Variants in KIF26B observed in about 807,000 individuals in gnomAD.
The protein encoded by KIF26B is kinesin-like protein KIF26B.
Under a neutral mutation model 151.2 loss-of-function variants are expected in KIF26B, and 63 were observed. That is an observed-to-expected ratio of 0.42 (90% CI 0.34 to 0.51). The LOEUF is 0.51. Ranked by LOEUF, KIF26B falls within the 20% of genes least tolerant of loss-of-function variation. The probability of loss-of-function intolerance (pLI) is 0.07; values close to 1 mark genes in which losing one functional copy is unlikely to be tolerated. For missense variants in KIF26B, 2,813 were observed against 2,913.6 expected, an observed-to-expected ratio of 0.97 and a Z score of 0.79; for synonymous variants, 1,357 against 1,262.1, an observed-to-expected ratio of 1.08 and a Z score of -1.59.
intron 2 of KIF26B, among the ~76,000 whole-genome samples, chr1:245,356,109 G>A (rs1193494655): frequency 2.0e-5 from 3 of 152,118 alleles, no homozygotes; most frequent in Admixed American, 2.0e-4. Flanking sequence ...CTGCGCAGGG[G>A]GCGTGGTGAG....
intron 3 of KIF26B, among the ~76,000 whole-genome samples, chr1:245,395,290 TG>T (rs1477576125): frequency 1.3e-5 from 2 of 152,228 alleles, no homozygotes; most frequent in Non-Finnish European, 2.9e-5. Context: ...AGGTTGGCTC[TG>T]GGTTTTTTCC....
intron 2 of KIF26B, among the ~76,000 whole-genome samples, chr1:245,326,978 C>T (rs1672003453): frequency 1.3e-5 from 2 of 152,182 alleles, no homozygotes; most frequent in South Asian, 4.1e-4. Flanking sequence ...AGTTGTTTTT[C>T]ACTTCTCTCT....
chr1:245,541,185 G>A (rs1015069150), intron 5 of KIF26B, among the ~76,000 whole-genome samples: 1 of 152,202 alleles, frequency 6.6e-6, no homozygotes, highest in Non-Finnish European at 1.5e-5. Context: ...GGAAAAATCA[G>A]CTTTGCATTG....
At chr1:245,201,765 G>A (rs1036400048) in intron 2 of KIF26B, among the ~76,000 whole-genome samples, 13 of 152,252 alleles carry the variant, frequency 8.5e-5, no homozygotes, top group African/African-American at 2.9e-4. Context: ...GCGTGGGGGC[G>A]GGGGGAAGGG....
At chr1:245,424,279 A>G (rs1353912066) in intron 4 of KIF26B, among the ~76,000 whole-genome samples, 1 of 152,068 alleles carries the variant, frequency 6.6e-6, no homozygotes, top group African/African-American at 2.4e-5. Context: ...CAGCCTCCCG[A>G]GTAAGATTAC....
chr1:245,313,074 G>A (rs947198132), intron 2 of KIF26B, among the ~76,000 whole-genome samples: 13 of 152,198 alleles, frequency 8.5e-5, no homozygotes, highest in African/African-American at 2.4e-4. Flanking sequence ...CAGGAGAATC[G>A]CTTGAACCTG....
Position 245,540,107 on chromosome 1 carries a change from G to A in KIF26B, c.1167-660G>A, listed in dbSNP as rs957049541. 2.6e-5 allele frequency among the ~76,000 whole-genome samples: 4 copies of A among 151,944 alleles called. No homozygotes were observed. Among genetic ancestry groups the A allele is most frequent in the Non-Finnish European group, 4.4e-5 (3 of 67,996 alleles). On this transcript the variant is annotated intron_variant, in intron 4 of 14. Transcript: ENST00000407071. This position sits in a 1 kb window ranked among gnomAD's most constrained non-coding sequence, Gnocchi z 4.6. ...TCAGTGCTTTGACCCCTTACTCCTC[G>A]CACTTGACCATGAATTGCATTTTGT... is the stretch of plus-strand genomic sequence containing the variant.
At chr1:245,262,479 G>A (rs1670664725) in intron 2 of KIF26B, among the ~76,000 whole-genome samples, 1 of 151,876 alleles carries the variant, frequency 6.6e-6, no homozygotes, top group Admixed American at 6.6e-5. Flanking sequence ...TTGAGATGGA[G>A]TTTCGCTATT....
intron 2 of KIF26B, among the ~76,000 whole-genome samples, chr1:245,162,057 G>A (rs1008224916): frequency 6.6e-6 from 1 of 152,202 alleles, no homozygotes; most frequent in African/African-American, 2.4e-5. Flanking sequence ...AACCCTGCCC[G>A]AGGGCCCCGT....
intron 4 of KIF26B, among the ~76,000 whole-genome samples, chr1:245,498,750 C>A (rs1053924079): frequency 6.6e-6 from 1 of 152,182 alleles, no homozygotes; most frequent in Non-Finnish European, 1.5e-5. Flanking sequence ...CCAGTTTCCA[C>A]CCACTGCCCT....
At chr1:245,423,955 C>T (rs1240257613) in intron 4 of KIF26B, among the ~76,000 whole-genome samples, 1 of 151,676 alleles carries the variant, frequency 6.6e-6, no homozygotes, top group Non-Finnish European at 1.5e-5. Flanking sequence ...CCTCCCACTT[C>T]AGCCTCCTGA....
chr1:245,381,196 C>T (rs533589248), intron 3 of KIF26B, among the ~76,000 whole-genome samples: 4 of 152,262 alleles, frequency 2.6e-5, no homozygotes, highest in African/African-American at 7.2e-5. Context: ...GTGGCCTGAA[C>T]AGATCTTCTG....
At chr1:245,421,938 C>T (rs753766664) in intron 4 of KIF26B, among the ~76,000 whole-genome samples, 3 of 152,088 alleles carry the variant, frequency 2.0e-5, no homozygotes, top group Non-Finnish European at 2.9e-5. Flanking sequence ...TAACAAATCA[C>T]TAGCGAAAGC....
intron 3 of KIF26B, among the ~76,000 whole-genome samples, chr1:245,419,168 T>C (rs191936451): frequency 8.5e-5 from 13 of 152,334 alleles, no homozygotes; most frequent in African/African-American, 3.1e-4. Flanking sequence ...ACTTCTCTCT[T>C]CATAGAACTA....
chr1:245,450,432 A>T (rs1386898211), intron 4 of KIF26B, among the ~76,000 whole-genome samples: 1 of 152,194 alleles, frequency 6.6e-6, no homozygotes, highest in Non-Finnish European at 1.5e-5. Context: ...GGGAGAAAGG[A>T]GTCATGTTAA....
In KIF26B at chr1:245,564,840, G is replaced by A. The variant is rs548641985; in HGVS notation, c.1350+23890G>A. ...ATTCTCTCAAGGAGCGTGCAACCTA[G>A]ACCCCCACATGCACAGCTCACAATA... On this transcript the variant is annotated intron_variant, in intron 5 of 14. Coordinates refer to ENST00000407071, the MANE Select transcript of KIF26B (RefSeq NM_018012.4). This position sits in a 1 kb window ranked among gnomAD's most constrained non-coding sequence, Gnocchi z 4.6. Among the ~76,000 whole-genome samples the A allele has an allele frequency of 1.2e-4, 19 of 152,266 alleles. No individual in the cohort carries two copies. Among genetic ancestry groups the A allele is most frequent in the Middle Eastern group, 3.4e-3 (1 of 294 alleles).
At chr1:245,627,854 TC>T (rs2043741078) in intron 9 of KIF26B, among the ~76,000 whole-genome samples, 1 of 152,086 alleles carries the variant, frequency 6.6e-6, no homozygotes, top group Non-Finnish European at 1.5e-5. Context: ...TATAAACACC[TC>T]TGTGCAAATA....
At chr1:245,207,635 A>G (rs1669433528) in intron 2 of KIF26B, among the ~76,000 whole-genome samples, 1 of 152,190 alleles carries the variant, frequency 6.6e-6, no homozygotes, top group Non-Finnish European at 1.5e-5. Context: ...CGGAAGAAAC[A>G]TGATAGAATT....
intron 3 of KIF26B, among the ~76,000 whole-genome samples, chr1:245,394,754 G>A (rs113262932): frequency 0.048 from 6,593 of 138,656 alleles, 510 homozygotes; most frequent in African/African-American, 0.17. Context: ...GCAATGGCAC[G>A]ATCTCGGCTC....
Sources: allele counts gnomAD v4.1 joint callset (sites outside exome capture counted in the v4.1 genomes callset), GRCh38; gene constraint gnomAD v4.1.1; non-coding constraint Gnocchi (gnomAD v3.1); transcripts MANE v1.5; gene names NCBI Gene and HGNC (gene_info 2026-07-23, HGNC 2026-07-21).